DGKI: variants seen among roughly 807,000 people sequenced by gnomAD.
DGKI encodes the protein DAG kinase iota.
A neutral mutation model predicts 147.5 loss-of-function variants in DGKI; 55 were observed. The ratio of observed to expected loss-of-function variants is 0.37; its 90% CI spans 0.30 to 0.47. DGKI has a LOEUF of 0.47. DGKI is among the 20% of genes least tolerant of loss of function. DGKI has a pLI of 1.00. For missense variants in DGKI, 1,007 were observed against 1,323.8 expected (o/e 0.76, Z 3.71); for synonymous variants, 469 against 477.1 (o/e 0.98, Z 0.22).
intron 20 of DGKI, among the ~76,000 whole-genome samples, chr7:137,551,517 T>C (rs567306677): frequency 1.3e-5 from 2 of 152,168 alleles, no homozygotes; most frequent in Non-Finnish European, 2.9e-5. Context: ...TGATAGAGAA[T>C]GACAAAAGGC....
At chr7:137,601,250 G>A (rs2128989940) in intron 10 of DGKI, among the ~76,000 whole-genome samples, 1 of 151,290 alleles carries the variant, frequency 6.6e-6, no homozygotes, top group Middle Eastern at 3.4e-3. Flanking sequence ...CGGCCTGGGT[G>A]AAAGAGCGAG....
At chr7:137,783,595 T>G (rs922301919) in intron 1 of DGKI, among the ~76,000 whole-genome samples, 19 of 152,250 alleles carry the variant, frequency 1.2e-4, no homozygotes, top group African/African-American at 4.6e-4. Context: ...TTGCTAGAGA[T>G]CTAGACATCC....
intron 1 of DGKI, among the ~76,000 whole-genome samples, chr7:137,753,320 C>T (rs752895958): frequency 1.3e-5 from 2 of 152,264 alleles, no homozygotes; most frequent in African/African-American, 4.8e-5. Context: ...GACACTGCCC[C>T]GGAAAGTGGA....
intron 20 of DGKI, among the ~76,000 whole-genome samples, chr7:137,523,772 T>A (rs1195093735): frequency 6.6e-6 from 1 of 152,156 alleles, no homozygotes; most frequent in African/African-American, 2.4e-5. Context: ...CTTGACAGTA[T>A]ATTTATAGAT....
At chr7:137,610,851 G>A (rs182109881) in intron 8 of DGKI, among the ~76,000 whole-genome samples, 19 of 152,188 alleles carry the variant, frequency 1.2e-4, no homozygotes, top group African/African-American at 4.3e-4. Flanking sequence ...AAAATAAGTT[G>A]ATACATGACC....
intron 31 of DGKI, 186 bp from the exon 32 acceptor site, chr7:137,395,883 AC>A (rs1376417717): frequency 3.6e-6 from 2 of 561,616 alleles, no homozygotes; most frequent in Non-Finnish European, 6.4e-6. Flanking sequence ...CTAGCCATCA[AC>A]TGATCATAAT....
intron 1 of DGKI, among the ~76,000 whole-genome samples, chr7:137,765,260 C>A (rs999717223): frequency 6.6e-6 from 1 of 152,082 alleles, no homozygotes. Flanking sequence ...GAACTACTGC[C>A]AGTAGATTTT....
intron 32 of DGKI, among the ~76,000 whole-genome samples, chr7:137,394,841 G>A (rs1238731560): frequency 1.3e-5 from 2 of 152,128 alleles, no homozygotes; most frequent in Non-Finnish European, 1.5e-5. Flanking sequence ...TATGTGGCTG[G>A]GGTGTTCTGG....
chr7:137,781,424 G>A (rs1378128677), intron 1 of DGKI, among the ~76,000 whole-genome samples: 1 of 152,326 alleles, frequency 6.6e-6, no homozygotes, highest in African/African-American at 2.4e-5. Context: ...ACTGAAACTA[G>A]ACTAACAATT....
chr7:137,711,611 A>T (rs966786849), intron 1 of DGKI, among the ~76,000 whole-genome samples: 1 of 151,748 alleles, frequency 6.6e-6, no homozygotes, highest in African/African-American at 2.4e-5. Context: ...ATTTGCAGTC[A>T]GACTGCCTGA....
intron 1 of DGKI, among the ~76,000 whole-genome samples, chr7:137,713,646 T>A (rs1376813837): frequency 2.6e-5 from 4 of 152,190 alleles, no homozygotes; most frequent in Admixed American, 2.0e-4. Context: ...CAATTTTTTT[T>A]AATTTTTATT....
chr7:137,422,016 AG>A (rs763531718), intron 28 of DGKI, among the ~76,000 whole-genome samples: 44 of 152,340 alleles, frequency 2.9e-4, no homozygotes, highest in Non-Finnish European at 5.4e-4. Flanking sequence ...AGTTGCATCT[AG>A]TAAACACAGC....
At chr7:137,604,942 T>C (rs1382247376) in intron 10 of DGKI, among the ~76,000 whole-genome samples, 1 of 152,194 alleles carries the variant, frequency 6.6e-6, no homozygotes, top group Non-Finnish European at 1.5e-5. Flanking sequence ...CTCGAAAGTT[T>C]CCACACATAG....
intron 21 of DGKI, among the ~76,000 whole-genome samples, chr7:137,495,952 G>A (rs897801557): frequency 6.6e-6 from 1 of 152,036 alleles, no homozygotes; most frequent in Admixed American, 6.6e-5. Context: ...ACTGGAAGTT[G>A]TAGCCACAGC....
intron 6 of DGKI, among the ~76,000 whole-genome samples, chr7:137,625,752 A>G (rs1056521496): frequency 6.6e-6 from 1 of 151,712 alleles, no homozygotes; most frequent in African/African-American, 2.4e-5. Flanking sequence ...TTAAAAAAAA[A>G]AAAAAAAAGA....
intron 27 of DGKI, among the ~76,000 whole-genome samples, chr7:137,456,116 A>G (rs1471004893): frequency 6.6e-6 from 1 of 152,152 alleles, no homozygotes; most frequent in Non-Finnish European, 1.5e-5. Flanking sequence ...GTGCTCACCA[A>G]CAGTGCCTAC....
intron 13 of DGKI, among the ~76,000 whole-genome samples, chr7:137,586,507 G>T (rs748761746): frequency 6.6e-6 from 1 of 151,840 alleles, no homozygotes; most frequent in Non-Finnish European, 1.5e-5. Context: ...TATATATTGC[G>T]CCTTCTTACT....
intron 28 of DGKI, among the ~76,000 whole-genome samples, chr7:137,423,587 G>A (rs1323758005): frequency 6.6e-6 from 1 of 152,136 alleles, no homozygotes; most frequent in Non-Finnish European, 1.5e-5. Flanking sequence ...AAGCTTATAA[G>A]TCATCCAGTC....
At chr7:137,481,839 A>C (rs1282326051) in intron 23 of DGKI, among the ~76,000 whole-genome samples, 1 of 152,070 alleles carries the variant, frequency 6.6e-6, no homozygotes, top group African/African-American at 2.4e-5. Context: ...GCTGCAAATT[A>C]GTGAGCTGAC....
Sources: gnomAD v4.1 joint callset for allele counts (sites outside exome capture counted in the v4.1 genomes callset) on GRCh38, gnomAD v4.1.1 for gene constraint, MANE v1.5 for transcripts, NCBI Gene and HGNC (gene_info 2026-07-23, HGNC 2026-07-21) for gene names.